TBC1D12: variants seen among roughly 807,000 people sequenced by gnomAD.
The protein encoded by TBC1D12 is TBC1 domain family member 12.
A neutral mutation model predicts 86.7 loss-of-function variants in TBC1D12; 56 were observed. That is an observed-to-expected ratio of 0.65 (90% CI 0.52 to 0.81). The LOEUF (loss-of-function observed/expected upper bound fraction) is 0.81. Among genes scored for constraint, TBC1D12 ranks in the 30% least tolerant of loss-of-function variants. The pLI, the probability that TBC1D12 is intolerant of heterozygous loss-of-function variation, is 0.00. For synonymous variants in TBC1D12, 421 were observed against 411.7 expected (o/e 1.02, Z -0.27); for missense variants, 1,023 against 1,038.8 (o/e 0.98, Z 0.21).
At chr10:94,424,806 T>C (rs1260697002) in intron 1 of TBC1D12, among the ~76,000 whole-genome samples, 2 of 152,150 alleles carry the variant, frequency 1.3e-5, no homozygotes, top group African/African-American at 4.8e-5. Context: ...CGAAGCAGAT[T>C]TCCTGTGGGG....
At chr10:94,505,608 T>G (rs961988616) in intron 6 of TBC1D12, among the ~76,000 whole-genome samples, 8 of 150,764 alleles carry the variant, frequency 5.3e-5, no homozygotes, top group African/African-American at 1.9e-4. Flanking sequence ...AATTCTAAGT[T>G]TTTTTTTTTA....
At chr10:94,449,388 T>C (rs2055516725) in intron 2 of TBC1D12, among the ~76,000 whole-genome samples, 1 of 152,168 alleles carries the variant, frequency 6.6e-6, no homozygotes, top group African/African-American at 2.4e-5. Flanking sequence ...GAGACTGCAA[T>C]TGAGCTTGAA....
At position 94,511,610 on chromosome 10, in the gene TBC1D12, A is replaced by G; in HGVS notation, c.1717A>G (p.Ser573Gly). 2 of 1,613,002 alleles carry G rather than the reference A, an allele frequency of 1.2e-6. No homozygotes were observed. The highest frequency in any genetic ancestry group is 1.3e-5 in the African/African-American group (1 of 74,996). ...TGGTCCATATCATGATGTCTTGCAT[A>G]GTATTTTAGGGGCATACACATGCTA... is the stretch of plus-strand genomic sequence containing the variant. ...KGGPYHDVLH[S>G]ILGAYTCYRP... Residue 573 changes from serine to glycine, a missense_variant, in exon 9 of 13, where the codon AGT becomes GGT. Around this residue, in one of 2 missense-constraint regions of TBC1D12, gnomAD observed 395 missense variants for 507.7 expected, o/e 0.78. Coordinates refer to ENST00000225235, the MANE Select transcript of TBC1D12 (RefSeq NM_015188.2).
chr10:94,506,502 A>G (rs1169334994), intron 6 of TBC1D12, among the ~76,000 whole-genome samples: 3 of 152,142 alleles, frequency 2.0e-5, no homozygotes, highest in African/African-American at 7.2e-5. Flanking sequence ...GAAATGTCCT[A>G]TTTTTATGTA....
At chr10:94,431,146 G>A (rs768321048) in intron 1 of TBC1D12, among the ~76,000 whole-genome samples, 12 of 152,166 alleles carry the variant, frequency 7.9e-5, no homozygotes, top group Admixed American at 3.9e-4. Flanking sequence ...TGGGTGTGGC[G>A]GCTCACTCCT....
Position 94,466,679 on chromosome 10 carries a change from G to T in TBC1D12, c.1096-7989G>T, listed in dbSNP as rs541838403. Among the ~76,000 whole-genome samples, 3 of 152,178 alleles carry T rather than the reference G, an allele frequency of 2.0e-5. No homozygotes were observed. In the South Asian group the frequency reaches 6.2e-4, roughly 32 times the overall value. ...TGTGATACTGAAAAAACAATACAGA[G>T]AATTCATAAATACCTCTCATTCAGT... is the stretch of plus-strand genomic sequence containing the variant. On this transcript the variant is annotated intron_variant, in intron 2 of 12. Coordinates refer to ENST00000225235, the MANE Select transcript of TBC1D12 (RefSeq NM_015188.2).
At chr10:94,489,159 G>A (rs1237165344) in intron 3 of TBC1D12, among the ~76,000 whole-genome samples, 1 of 152,180 alleles carries the variant, frequency 6.6e-6, no homozygotes, top group Admixed American at 6.5e-5. Context: ...GTGATTGCGA[G>A]GCTTGCCGAA....
chr10:94,420,380 A>G (rs1014826106), intron 1 of TBC1D12, among the ~76,000 whole-genome samples: 2 of 152,230 alleles, frequency 1.3e-5, no homozygotes, highest in African/African-American at 4.8e-5. Context: ...TTGTTATAGC[A>G]ACGTGAGCTA....
intron 2 of TBC1D12, among the ~76,000 whole-genome samples, chr10:94,459,300 C>T (rs947258132): frequency 6.6e-6 from 1 of 151,888 alleles, no homozygotes; most frequent in African/African-American, 2.4e-5. Flanking sequence ...TTGAACTAGA[C>T]ACAAGGTGCT....
intron 3 of TBC1D12, among the ~76,000 whole-genome samples, chr10:94,488,759 G>C (rs537099255): frequency 6.6e-6 from 1 of 151,982 alleles, no homozygotes; most frequent in East Asian, 2.0e-4. Context: ...AAGGCAGCAG[G>C]TTCACTTCTA....
At chr10:94,453,900 C>G (rs536643064) in intron 2 of TBC1D12, among the ~76,000 whole-genome samples, 62 of 152,134 alleles carry the variant, frequency 4.1e-4, no homozygotes, top group African/African-American at 1.4e-3. Context: ...TGCCTTTGCT[C>G]CTTTGTCAAA....
intron 3 of TBC1D12, among the ~76,000 whole-genome samples, chr10:94,481,788 G>A (rs2056081335): frequency 8.0e-6 from 1 of 125,484 alleles, no homozygotes. Flanking sequence ...GGCCTATCTT[G>A]GCTTTTTTTT....
chr10:94,482,380 T>G (rs1275629164), intron 3 of TBC1D12, among the ~76,000 whole-genome samples: 1 of 152,214 alleles, frequency 6.6e-6, no homozygotes, highest in East Asian at 1.9e-4. Flanking sequence ...AGGGTTATTT[T>G]TAAATGTACA....
At position 94,403,229 on chromosome 10, in the gene TBC1D12, G is replaced by T. The variant is rs770578193; in HGVS notation, c.616G>T (p.Ala206Ser). 18 of 1,507,008 alleles carry T rather than the reference G, an allele frequency of 1.2e-5. No homozygotes were observed. The Admixed American group carries it at 3.9e-4, about 33-fold the overall frequency. 93.4% of individuals were successfully genotyped at this position (1,507,008 alleles called of 1,614,324 possible). Residue 206 changes from alanine to serine, a missense_variant, in exon 1 of 13, where the codon GCC becomes TCC. Physicochemically the swap from Ala to Ser is moderately conservative, Grantham distance 99. This residue lies in a region of TBC1D12 where 628 missense variants were observed against 531.1 expected (regional missense o/e 1.18). Transcript: ENST00000225235. ...EDPLRSCCLV[A>S]ADAQEPEGAG... ...CCCGCTGCGGAGCTGCTGCCTGGTG[G>T]CCGCGGACGCCCAGGAGCCCGAGGG...
At chr10:94,442,144 A>T in intron 2 of TBC1D12, 125 bp downstream of exon 2, 2 of 1,092,148 alleles carry the variant, frequency 1.8e-6, no homozygotes. Context: ...CTAGATACAG[A>T]CTTTTGGGAT....
intron 3 of TBC1D12, among the ~76,000 whole-genome samples, chr10:94,478,525 A>G (rs1307111557): frequency 6.6e-6 from 1 of 152,170 alleles, no homozygotes. Flanking sequence ...CCTGGCCAGC[A>G]TGATGAAACC....
chr10:94,462,930 C>T (rs907812048), intron 2 of TBC1D12, among the ~76,000 whole-genome samples: 5 of 152,140 alleles, frequency 3.3e-5, no homozygotes, highest in Admixed American at 1.3e-4. Context: ...TTATTATTTA[C>T]TATCCACTTG....
chr10:94,438,899 G>A (rs1195571716), intron 1 of TBC1D12, among the ~76,000 whole-genome samples: 13 of 151,964 alleles, frequency 8.6e-5, no homozygotes, highest in Non-Finnish European at 2.9e-5. Flanking sequence ...CGCCTCCTGG[G>A]TTCAAGCAAT....
intron 1 of TBC1D12, among the ~76,000 whole-genome samples, chr10:94,419,663 T>C (rs2055048941): frequency 6.6e-6 from 1 of 152,082 alleles, no homozygotes; most frequent in Non-Finnish European, 1.5e-5. Context: ...AGCAAGACTC[T>C]GTCTCAGGGA....
Sources: allele counts gnomAD v4.1 joint callset (sites outside exome capture counted in the v4.1 genomes callset), GRCh38; gene constraint gnomAD v4.1.1; regional missense constraint gnomAD v4.1.1; transcripts MANE v1.5; gene names NCBI Gene and HGNC (gene_info 2026-07-23, HGNC 2026-07-21).